Variants in MET observed in about 807,000 individuals in gnomAD.
MET encodes the protein MET proto-oncogene, receptor tyrosine kinase, also known as hepatocyte growth factor receptor.
Under a neutral mutation model 133.1 loss-of-function variants are expected in MET, and 48 were observed. The observed-to-expected ratio is 0.36, with a 90% CI of 0.29 to 0.46. The LOEUF is 0.46. Ranked by LOEUF, MET falls within the 20% of genes least tolerant of loss-of-function variation. The probability of loss-of-function intolerance (pLI) is 1.00; values close to 1 mark genes in which losing one functional copy is unlikely to be tolerated. For missense variants in MET, 1,442 were observed against 1,695.9 expected, an observed-to-expected ratio of 0.85 and a Z score of 2.63; for synonymous variants, 628 against 616.5, an observed-to-expected ratio of 1.02 and a Z score of -0.28.
chr7:116,674,838 A>G (rs1796098181), intron 1 of MET, among the ~76,000 whole-genome samples: 1 of 152,204 alleles, frequency 6.6e-6, no homozygotes, highest in Non-Finnish European at 1.5e-5. Flanking sequence ...CATTAGGCTT[A>G]GTGATTCTCG....
intron 14 of MET, 134 bp downstream of exon 14, chr7:116,772,123 G>A (rs2117000239): frequency 2.1e-6 from 2 of 931,420 alleles, no homozygotes; most frequent in African/African-American, 3.3e-5. Flanking sequence ...TGCCAAGTAA[G>A]TATTTGACAC....
At chr7:116,783,240 T>C in intron 18 of MET, 64 bp from the exon 19 acceptor site, 5 of 1,585,654 alleles carry the variant, frequency 3.2e-6, no homozygotes, top group Non-Finnish European at 4.3e-6. Context: ...AATCTGTAGA[T>C]ATTCAGCATC....
chr7:116,748,016 C>T (rs73471108), intron 5 of MET, among the ~76,000 whole-genome samples: 4,763 of 152,272 alleles, frequency 0.031, 245 homozygotes, highest in African/African-American at 0.11. Flanking sequence ...GAGGCTGAGG[C>T]GGGCGGATCA....
At chr7:116,739,842 C>T in intron 3 of MET, 108 bp from the exon 4 acceptor site, 1 of 1,489,990 alleles carries the variant, frequency 6.7e-7, no homozygotes, top group Non-Finnish European at 9.3e-7. Flanking sequence ...TCAGTTCAAA[C>T]ACCCACAAGC....
At chr7:116,772,073 A>G in intron 14 of MET, 84 bp downstream of exon 14, 1 of 1,501,716 alleles carries the variant, frequency 6.7e-7, no homozygotes, top group Non-Finnish European at 9.2e-7. Flanking sequence ...TTGGTTTTGC[A>G]TTTATATTTT....
intron 2 of MET, among the ~76,000 whole-genome samples, chr7:116,726,757 C>T (rs1183077121): frequency 6.6e-6 from 1 of 152,220 alleles, no homozygotes; most frequent in East Asian, 1.9e-4. Context: ...GATGTGAAAG[C>T]TATACTAAGG....
intron 8 of MET, among the ~76,000 whole-genome samples, chr7:116,758,155 G>C (rs529958244): frequency 3.3e-5 from 5 of 152,090 alleles, no homozygotes; most frequent in African/African-American, 1.2e-4. Context: ...GGGAAAATTG[G>C]GTCTGGAAGA....
intron 2 of MET, among the ~76,000 whole-genome samples, chr7:116,711,890 G>C (rs1276108526): frequency 2.0e-5 from 3 of 152,150 alleles, no homozygotes; most frequent in Admixed American, 6.6e-5. Context: ...TTAAACTCTG[G>C]GGGGAGGGGC....
intron 15 of MET, among the ~76,000 whole-genome samples, chr7:116,776,758 G>A (rs1208695083): frequency 1.3e-5 from 2 of 152,126 alleles, no homozygotes; most frequent in Non-Finnish European, 2.9e-5. Context: ...TGGATAAAAG[G>A]CTACCATTGG....
chr7:116,721,734 C>T lies in MET; in HGVS notation c.1201-9934C>T, dbSNP rs534298235. 9.7e-4 allele frequency among the ~76,000 whole-genome samples: 148 copies of T among 151,920 alleles called. 1 individual carries two copies. The highest frequency in any genetic ancestry group is 3.5e-3 in the African/African-American group (144 of 41,476). ...AACATCTTTATTTCTGCCTTCATTT[C>T]GTTATGTATCCAGTAGTCATTCAGG... On this transcript the variant is annotated intron_variant, in intron 2 of 20. Coordinates refer to ENST00000397752, the MANE Select transcript of MET (RefSeq NM_000245.4).
At position 116,680,016 on chromosome 7, in the gene MET, G is replaced by C. The variant is rs115870111; in HGVS notation, c.-15+7439G>C. On this transcript the variant is annotated intron_variant, in intron 1 of 20. Transcript: ENST00000397752. Reference sequence around the variant, plus strand: ...TTTTATCCTCAGAAAACCTTTCCTGGTGAAAAGCATGCTGTTTTAGTATCA... The same window carrying C: ...TTTTATCCTCAGAAAACCTTTCCTGCTGAAAAGCATGCTGTTTTAGTATCA... 3.8e-3 allele frequency among the ~76,000 whole-genome samples: 578 copies of C among 151,758 alleles called. 3 individuals are homozygous for C. The highest frequency in any genetic ancestry group is 0.013 in the African/African-American group (529 of 41,376).
intron 2 of MET, among the ~76,000 whole-genome samples, chr7:116,725,615 A>G (rs1279526015): frequency 4.6e-5 from 7 of 151,596 alleles, no homozygotes; most frequent in Non-Finnish European, 7.4e-5. Context: ...ATAGCCTACT[A>G]CACACCTAGG....
intron 5 of MET, among the ~76,000 whole-genome samples, chr7:116,743,991 A>G (rs1459409168): frequency 1.3e-5 from 2 of 152,220 alleles, no homozygotes; most frequent in Non-Finnish European, 2.9e-5. Context: ...AATAGCATTA[A>G]CATAAACAAA....
chr7:116,797,190 CAAAA>C lies in MET; in HGVS notation c.*1067_*1070del. The C allele has an allele frequency of 4.9e-6, 1 of 204,772 alleles. No homozygotes were observed. The highest frequency in any genetic ancestry group is 1.0e-5 in the Non-Finnish European group (1 of 100,072). 12.7% of individuals were successfully genotyped at this position (204,772 alleles called of 1,614,324 possible). On this transcript the variant is annotated 3_prime_UTR_variant, in exon 21 of 21. Transcript: ENST00000397752. ...GTGTGTATTTTTTTAAATGAAAACT[CAAAA>C]TAAGACAAGTAATTTGTTGATAAAT...
chr7:116,708,717 A>G (rs548789876), intron 2 of MET, among the ~76,000 whole-genome samples: 23 of 152,186 alleles, frequency 1.5e-4, no homozygotes, highest in Non-Finnish European at 3.2e-4. Flanking sequence ...TTCTTTGAAA[A>G]TCACTGTTTC....
chr7:116,786,822 G>T (rs1475034564), intron 19 of MET, among the ~76,000 whole-genome samples: 2 of 152,226 alleles, frequency 1.3e-5, no homozygotes, highest in Non-Finnish European at 2.9e-5. Flanking sequence ...AAGAGAAAGG[G>T]TTGGTAGCTT....
At chr7:116,733,162 G>C (rs1051363064) in intron 3 of MET, among the ~76,000 whole-genome samples, 20 of 151,832 alleles carry the variant, frequency 1.3e-4, no homozygotes, top group African/African-American at 4.8e-4. Context: ...TAATGGATTT[G>C]AAATATGCTC....
intron 2 of MET, among the ~76,000 whole-genome samples, chr7:116,706,768 C>A (rs1562888120): frequency 6.6e-6 from 1 of 152,028 alleles, no homozygotes; most frequent in Non-Finnish European, 1.5e-5. Context: ...TGATTCAGAG[C>A]CCAGATATGT....
chr7:116,726,907 A>C (rs1792815148), intron 2 of MET, among the ~76,000 whole-genome samples: 1 of 152,182 alleles, frequency 6.6e-6, no homozygotes, highest in African/African-American at 2.4e-5. Context: ...CCAGGGGTAC[A>C]GGTGTGGCTG....
Sources: allele counts gnomAD v4.1 joint callset (sites outside exome capture counted in the v4.1 genomes callset), GRCh38; gene constraint gnomAD v4.1.1; transcripts MANE v1.5; gene names NCBI Gene and HGNC (gene_info 2026-07-23, HGNC 2026-07-21).